The following FAM120A variants were observed in gnomAD, a reference collection of about 807,000 sequenced individuals.
The protein encoded by FAM120A is family with sequence similarity 120 member A, also known as constitutive coactivator of PPAR-gamma-like protein 1.
A neutral mutation model predicts 109.7 loss-of-function variants in FAM120A; 15 were observed. That is an observed-to-expected ratio of 0.14 (90% CI 0.09 to 0.21). The LOEUF (loss-of-function observed/expected upper bound fraction) is 0.21, where lower values mean the gene tolerates loss of function less well. FAM120A is among the 10% of genes least tolerant of loss of function. The probability of loss-of-function intolerance (pLI) is 1.00; values close to 1 mark genes in which losing one functional copy is unlikely to be tolerated. For synonymous variants in FAM120A, 493 were observed against 572.8 expected (o/e 0.86, Z 1.99); for missense variants, 899 against 1,439.3 (o/e 0.62, Z 6.07).
chr9:93,557,960 G>A lies in FAM120A; in HGVS notation c.2618G>A (p.Arg873Gln), dbSNP rs1862349016. The A allele has an allele frequency of 3.7e-6, 6 of 1,604,062 alleles. No individual in the cohort carries two copies. Among genetic ancestry groups the A allele is most frequent in the Middle Eastern group, 1.6e-4 (1 of 6,062 alleles). The change falls in exon 14 of 18, where the codon CGG becomes CAG. Residue 873 changes from arginine to glutamine, a missense_variant. Around this residue, in one of 11 missense-constraint regions of FAM120A, gnomAD observed 129 missense variants for 153.4 expected, o/e 0.84. Transcript: ENST00000277165. Reference protein sequence around the residue: ...LPFYPASAYPRHFGPVPPSQG... With the variant: ...LPFYPASAYPQHFGPVPPSQG... ...TTCTACCCTGCCTCTGCGTACCCCC[G>A]GCACTTTGGGCCTGTCCCACCCTCT...
chr9:93,529,288 A>C, intron 8 of FAM120A, 65 bp from the exon 9 acceptor site: 1 of 1,415,650 alleles, frequency 7.1e-7, no homozygotes, highest in South Asian at 1.4e-5. Flanking sequence ...GGCACCTACC[A>C]TACTTTAAAT....
chr9:93,544,448 C>G (rs1006886338), intron 11 of FAM120A, among the ~76,000 whole-genome samples: 3 of 152,186 alleles, frequency 2.0e-5, no homozygotes. Context: ...TGGGTAGATA[C>G]TGTTGACGTT....
intron 3 of FAM120A, among the ~76,000 whole-genome samples, chr9:93,495,027 C>T (rs1391097294): frequency 6.6e-6 from 1 of 152,204 alleles, no homozygotes; most frequent in Non-Finnish European, 1.5e-5. Context: ...TCCATAGTTT[C>T]ACTGCCACTA....
chr9:93,502,818 A>G (rs555772546), intron 5 of FAM120A, among the ~76,000 whole-genome samples: 4 of 152,350 alleles, frequency 2.6e-5, no homozygotes, highest in South Asian at 2.1e-4. Flanking sequence ...GCAAGCACAA[A>G]TAAGATATGT....
At chr9:93,530,290 T>G (rs1419620065) in intron 9 of FAM120A, 1 of 152,408 alleles carries the variant, frequency 6.6e-6, no homozygotes, top group Non-Finnish European at 1.5e-5. Context: ...TTGGCACTTT[T>G]AATCTTAGCC....
chr9:93,554,581 G>T (rs1862225824), intron 12 of FAM120A, among the ~76,000 whole-genome samples: 2 of 152,148 alleles, frequency 1.3e-5, no homozygotes, highest in African/African-American at 4.8e-5. Flanking sequence ...TCTGAGGCAG[G>T]AGAATTGCTT....
intron 10 of FAM120A, among the ~76,000 whole-genome samples, chr9:93,537,570 G>A (rs949911594): frequency 1.3e-5 from 2 of 152,150 alleles, no homozygotes; most frequent in Middle Eastern, 3.4e-3. Context: ...AAATAAATAT[G>A]TGGAATGAGG....
intron 7 of FAM120A, among the ~76,000 whole-genome samples, chr9:93,517,113 T>C (rs1860632768): frequency 6.6e-6 from 1 of 152,126 alleles, no homozygotes; most frequent in Non-Finnish European, 1.5e-5. Flanking sequence ...TCTTTTCCTC[T>C]CTGTCCTCTG....
intron 3 of FAM120A, among the ~76,000 whole-genome samples, chr9:93,491,905 C>T (rs535395612): frequency 6.6e-6 from 1 of 151,998 alleles, no homozygotes; most frequent in Non-Finnish European, 1.5e-5. Context: ...AATTTTTATA[C>T]ACTGTCTCTA....
In FAM120A at chr9:93,545,780, C is replaced by CTTTTTTTT. The variant is rs774150537; in HGVS notation, c.2159+2328_2159+2335dup. Among the ~76,000 whole-genome samples, 143 of 65,502 alleles carry CTTTTTTTT rather than the reference C, an allele frequency of 2.2e-3. 12 individuals are homozygous for CTTTTTTTT. Among genetic ancestry groups the CTTTTTTTT allele is most frequent in the East Asian group, 6.7e-3 (13 of 1,936 alleles). 43.0% of individuals were successfully genotyped at this position (65,502 alleles called of 152,430 possible). On this transcript the variant is annotated intron_variant, in intron 11 of 17. Coordinates refer to ENST00000277165, the MANE Select transcript of FAM120A (RefSeq NM_014612.5). ...GAAGACTGGCTGATGGGAAAGACTC[C>CTTTTTTTT]TTTTTTTTTTTTTTTTTTTTTTTTT...
At chr9:93,468,413 T>C (rs1380689303) in intron 1 of FAM120A, among the ~76,000 whole-genome samples, 4 of 152,204 alleles carry the variant, frequency 2.6e-5, no homozygotes, top group Non-Finnish European at 5.9e-5. Context: ...GAGACATATA[T>C]GTAAAAGAAC....
At chr9:93,514,655 G>C (rs914453487) in intron 5 of FAM120A, among the ~76,000 whole-genome samples, 2 of 152,184 alleles carry the variant, frequency 1.3e-5, no homozygotes, top group Non-Finnish European at 2.9e-5. Context: ...TTCTGAGAGG[G>C]AGTGCAGCTC....
chr9:93,479,819 A>T (rs1264691935), intron 3 of FAM120A, among the ~76,000 whole-genome samples: 3 of 152,220 alleles, frequency 2.0e-5, no homozygotes, highest in Non-Finnish European at 4.4e-5. Context: ...TCTGACTGTC[A>T]TCGAACCAGC....
At chr9:93,561,763 T>C (rs1862476154) in intron 16 of FAM120A, among the ~76,000 whole-genome samples, 1 of 151,974 alleles carries the variant, frequency 6.6e-6, no homozygotes, top group African/African-American at 2.4e-5. Flanking sequence ...AATTAACCAT[T>C]AAATAATTAA....
intron 10 of FAM120A, among the ~76,000 whole-genome samples, chr9:93,537,736 TA>T (rs1435688503): frequency 6.6e-6 from 1 of 152,204 alleles, no homozygotes; most frequent in Non-Finnish European, 1.5e-5. Flanking sequence ...GAATTGCTAA[TA>T]AAAAGTAAAC....
chr9:93,544,456 G>A (rs1182572640), intron 11 of FAM120A, among the ~76,000 whole-genome samples: 4 of 152,170 alleles, frequency 2.6e-5, no homozygotes, highest in Non-Finnish European at 4.4e-5. Context: ...TACTGTTGAC[G>A]TTTTGAAGTT....
intron 1 of FAM120A, among the ~76,000 whole-genome samples, chr9:93,462,157 C>T (rs946282984): frequency 3.3e-5 from 5 of 152,176 alleles, no homozygotes; most frequent in Admixed American, 3.3e-4. Context: ...AGCACCTAGG[C>T]CTTCTGAGAA....
intron 2 of FAM120A, among the ~76,000 whole-genome samples, chr9:93,475,091 T>G (rs6479487): frequency 0.24 from 36,291 of 152,130 alleles, 5,440 homozygotes; most frequent in African/African-American, 0.43. Context: ...CCAGAAGTAT[T>G]TTAGAGTATT....
At chr9:93,536,142 T>C (rs2131492229) in intron 10 of FAM120A, among the ~76,000 whole-genome samples, 1 of 152,304 alleles carries the variant, frequency 6.6e-6, no homozygotes, top group Admixed American at 6.5e-5. Context: ...GGAACAATGA[T>C]TGTATTTAGA....
Sources: gnomAD v4.1 joint callset for allele counts (sites outside exome capture counted in the v4.1 genomes callset) on GRCh38, gnomAD v4.1.1 for gene constraint, gnomAD v4.1.1 regional missense constraint, MANE v1.5 for transcripts, NCBI Gene and HGNC (gene_info 2026-07-23, HGNC 2026-07-21) for gene names.